The following RNF220 variants were observed in gnomAD, a reference collection of about 807,000 sequenced individuals.
RNF220 encodes the protein ring finger protein 220.
A neutral mutation model predicts 67.1 loss-of-function variants in RNF220; 7 were observed. The ratio of observed to expected loss-of-function variants is 0.10; its 90% confidence interval spans 0.06 to 0.20. RNF220 has a LOEUF of 0.20. RNF220 is among the 10% of genes least tolerant of loss of function. RNF220 has a pLI of 1.00. For synonymous variants in RNF220, 270 were observed against 283.2 expected (o/e 0.95, Z 0.47); for missense variants, 565 against 740.3 (o/e 0.76, Z 2.75).
intron 2 of RNF220, among the ~76,000 whole-genome samples, chr1:44,413,914 C>T (rs950265181): frequency 6.6e-6 from 1 of 152,190 alleles, no homozygotes; most frequent in Non-Finnish European, 1.5e-5. Context: ...AACTTCCCTG[C>T]GCTAAAAGGC....
intron 2 of RNF220, among the ~76,000 whole-genome samples, chr1:44,555,560 C>A (rs568171026): frequency 6.6e-6 from 1 of 151,812 alleles, no homozygotes; most frequent in Admixed American, 6.6e-5. Flanking sequence ...CTGCAAGCTC[C>A]GCCTCCCGGG....
intron 3 of RNF220, among the ~76,000 whole-genome samples, chr1:44,617,939 G>C (rs1643630896): frequency 6.8e-6 from 1 of 147,370 alleles, no homozygotes; most frequent in African/African-American, 2.5e-5. Flanking sequence ...TCCTCCAATT[G>C]TCCCTTTTCC....
intron 1 of RNF220, 68 bp from the exon 2 acceptor site, chr1:44,411,913 G>A: frequency 1.6e-6 from 1 of 633,550 alleles, no homozygotes. Flanking sequence ...CGATCACTTG[G>A]GGTTTCCCTT....
intron 2 of RNF220, among the ~76,000 whole-genome samples, chr1:44,520,779 T>G (rs1176887716): frequency 6.6e-6 from 1 of 152,272 alleles, no homozygotes; most frequent in Non-Finnish European, 1.5e-5. Flanking sequence ...AGGCTAAGAC[T>G]GTACAAGTTT....
chr1:44,564,439 C>G (rs1227081254), intron 2 of RNF220, among the ~76,000 whole-genome samples: 1 of 152,132 alleles, frequency 6.6e-6, no homozygotes, highest in African/African-American at 2.4e-5. Context: ...CCAGTTAATT[C>G]TATTGTGCAG....
intron 2 of RNF220, among the ~76,000 whole-genome samples, chr1:44,481,485 A>G (rs956152154): frequency 2.6e-5 from 4 of 152,162 alleles, no homozygotes; most frequent in African/African-American, 9.7e-5. Flanking sequence ...GAGTTGAACA[A>G]TGAGAACACA....
rs374497604 is a variant in RNF220 at position 44,502,555 on chromosome 1, G to T, written c.625+89833G>T. On this transcript the variant is annotated intron_variant, in intron 2 of 14. Coordinates refer to ENST00000361799, the MANE Select transcript of RNF220 (RefSeq NM_018150.4). The stretch of plus-strand genomic sequence containing the variant: ...CAGCATTCCTTGTGTTAGACATTGT[G>T]CCAGGCCCTAGGAGACACAGAGGAA... 1.2e-4 allele frequency among the ~76,000 whole-genome samples: 18 copies of T among 152,268 alleles called. No homozygotes were observed. In the South Asian group the frequency reaches 3.5e-3, roughly 30 times the overall value.
At chr1:44,572,367 C>T (rs1273194511) in intron 2 of RNF220, among the ~76,000 whole-genome samples, 1 of 152,152 alleles carries the variant, frequency 6.6e-6, no homozygotes, top group Admixed American at 6.5e-5. Context: ...GTGATTGTAC[C>T]CTGAAATTCA....
intron 2 of RNF220, among the ~76,000 whole-genome samples, chr1:44,423,087 G>A (rs761749402): frequency 1.3e-5 from 2 of 152,204 alleles, no homozygotes; most frequent in Non-Finnish European, 1.5e-5. Context: ...AGGATGCTGC[G>A]AAAAGTGCTG....
chr1:44,630,223 C>T (rs1644077178), intron 5 of RNF220, among the ~76,000 whole-genome samples: 1 of 152,220 alleles, frequency 6.6e-6, no homozygotes, highest in African/African-American at 2.4e-5. Context: ...AAGGCATGAG[C>T]CTTGGTTTCT....
intron 2 of RNF220, among the ~76,000 whole-genome samples, chr1:44,449,491 G>A (rs898940599): frequency 1.3e-5 from 2 of 151,448 alleles, no homozygotes; most frequent in Non-Finnish European, 2.9e-5. Context: ...ACTGCTTACC[G>A]CAGCCTCAAA....
In RNF220 at chr1:44,650,096, C is replaced by T. The variant is rs1391980956; in HGVS notation, c.1629+139C>T. 4.1e-5 allele frequency: 37 copies of T among 897,918 alleles called. No individual in the cohort carries two copies. Among genetic ancestry groups the T allele is most frequent in the East Asian group, 5.2e-5 (2 of 38,510 alleles). The allele number at this position is 897,918 out of a possible 1,614,324, so 55.6% of individuals were successfully genotyped here. A position where few individuals can be genotyped will look rare whatever the true frequency, so the allele number is the denominator to read the frequency against. Reference sequence around the variant, plus strand: ...AGAGCCAGGAGCCAGGATATTTACCCGCAGGATATTTACCCCCAGGCTCGC... The same window carrying T: ...AGAGCCAGGAGCCAGGATATTTACCTGCAGGATATTTACCCCCAGGCTCGC... On this transcript the variant is annotated intron_variant, in intron 14 of 14. Transcript: ENST00000361799. The surrounding 1 kb of genome is among the most constrained non-coding windows in gnomAD (Gnocchi z 4.3).
chr1:44,416,545 A>G (rs1648555513), intron 2 of RNF220, among the ~76,000 whole-genome samples: 1 of 152,168 alleles, frequency 6.6e-6, no homozygotes, highest in African/African-American at 2.4e-5. Context: ...TGCCTGTGTG[A>G]CACAGTCTTT....
intron 2 of RNF220, among the ~76,000 whole-genome samples, chr1:44,422,090 A>G (rs1649285953): frequency 1.3e-5 from 2 of 152,172 alleles, no homozygotes; most frequent in Non-Finnish European, 2.9e-5. Flanking sequence ...CTTCCCACAT[A>G]TAGTCACAAA....
intron 2 of RNF220, among the ~76,000 whole-genome samples, chr1:44,416,460 C>T (rs541375367): frequency 6.6e-6 from 1 of 152,218 alleles, no homozygotes; most frequent in Non-Finnish European, 1.5e-5. Context: ...ACATTTATTA[C>T]CCCCTTAGCA....
At chr1:44,617,309 T>C (rs1168560447) in intron 3 of RNF220, among the ~76,000 whole-genome samples, 1 of 151,794 alleles carries the variant, frequency 6.6e-6, no homozygotes, top group Non-Finnish European at 1.5e-5. Context: ...GGCAAAGGCG[T>C]TCAAGGGCAG....
At chr1:44,443,829 A>G (rs1254308244) in intron 2 of RNF220, among the ~76,000 whole-genome samples, 3 of 152,142 alleles carry the variant, frequency 2.0e-5, no homozygotes, top group Non-Finnish European at 4.4e-5. Context: ...GGTGGCTCAC[A>G]CCTGTAATCC....
chr1:44,513,900 A>G (rs2148132887), intron 2 of RNF220, among the ~76,000 whole-genome samples: 1 of 152,328 alleles, frequency 6.6e-6, no homozygotes, highest in African/African-American at 2.4e-5. Context: ...TCTTCCTGGA[A>G]TAGAGGCGTT....
At chr1:44,438,061 AAAGGATC>A (rs1651162572) in intron 2 of RNF220, among the ~76,000 whole-genome samples, 1 of 152,202 alleles carries the variant, frequency 6.6e-6, no homozygotes, top group African/African-American at 2.4e-5. Context: ...TCGTGTATAC[AAAGGATC>A]AACTATTAGA....
Sources: gnomAD v4.1 joint callset for allele counts (sites outside exome capture counted in the v4.1 genomes callset) on GRCh38, gnomAD v4.1.1 for gene constraint, Gnocchi (gnomAD v3.1) non-coding constraint, MANE v1.5 for transcripts, NCBI Gene and HGNC (gene_info 2026-07-23, HGNC 2026-07-21) for gene names.